Variants in KCNQ5 observed in about 807,000 individuals in gnomAD.
KCNQ5 encodes the protein potassium voltage-gated channel subfamily Q member 5, also known as potassium voltage-gated channel subfamily KQT member 5.
Under a neutral mutation model 98.2 loss-of-function variants are expected in KCNQ5, and 30 were observed. That is an observed-to-expected ratio of 0.31 (90% CI 0.23 to 0.41). The LOEUF (loss-of-function observed/expected upper bound fraction) is 0.41, where lower values mean the gene tolerates loss of function less well. Among genes scored for constraint, KCNQ5 ranks in the 10% least tolerant of loss-of-function variants. The probability of loss-of-function intolerance (pLI) is 1.00; values close to 1 mark genes in which losing one functional copy is unlikely to be tolerated. For missense variants in KCNQ5, 835 were observed against 1,182.5 expected (o/e 0.71, Z 4.31); for synonymous variants, 458 against 449.4 (o/e 1.02, Z -0.24).
At chr6:72,718,672 A>G (rs1354547753) in intron 1 of KCNQ5, among the ~76,000 whole-genome samples, 1 of 151,610 alleles carries the variant, frequency 6.6e-6, no homozygotes, top group Non-Finnish European at 1.5e-5. Flanking sequence ...GATGGTCTCA[A>G]TCTCTTGACC....
At chr6:73,026,146 G>A (rs778603224) in intron 2 of KCNQ5, among the ~76,000 whole-genome samples, 36 of 152,178 alleles carry the variant, frequency 2.4e-4, no homozygotes, top group Non-Finnish European at 3.8e-4. Context: ...AAAACCTGGT[G>A]AGGGATGAGA....
At chr6:72,806,334 C>G (rs773812532) in intron 1 of KCNQ5, among the ~76,000 whole-genome samples, 2 of 152,018 alleles carry the variant, frequency 1.3e-5, no homozygotes, top group Non-Finnish European at 2.9e-5. Flanking sequence ...GTGACAAAAG[C>G]TCTACCCAAT....
intron 1 of KCNQ5, among the ~76,000 whole-genome samples, chr6:72,803,951 T>C (rs1774809719): frequency 6.6e-6 from 1 of 152,148 alleles, no homozygotes; most frequent in African/African-American, 2.4e-5. Context: ...TTATAAAACA[T>C]AGACTCTTGA....
intron 1 of KCNQ5, among the ~76,000 whole-genome samples, chr6:72,745,080 T>A (rs980505460): frequency 1.3e-5 from 2 of 152,210 alleles, no homozygotes; most frequent in African/African-American, 4.8e-5. Context: ...ATTTATGTTA[T>A]TTTTCCTAAA....
At chr6:72,672,880 G>A (rs1476162731) in intron 1 of KCNQ5, among the ~76,000 whole-genome samples, 1 of 152,192 alleles carries the variant, frequency 6.6e-6, no homozygotes, top group East Asian at 1.9e-4. Context: ...AAAAGCACTT[G>A]TGAAAAGATT....
intron 3 of KCNQ5, among the ~76,000 whole-genome samples, chr6:73,074,287 A>G (rs1773423419): frequency 6.6e-6 from 1 of 152,230 alleles, no homozygotes; most frequent in Non-Finnish European, 1.5e-5. Context: ...CCTAGGAAAT[A>G]GTCTAGGTGG....
At chr6:73,137,837 A>G (rs1776534755) in intron 10 of KCNQ5, among the ~76,000 whole-genome samples, 1 of 152,146 alleles carries the variant, frequency 6.6e-6, no homozygotes, top group South Asian at 2.1e-4. Context: ...ATGTTCTCCT[A>G]GATATTATAT....
intron 1 of KCNQ5, among the ~76,000 whole-genome samples, chr6:72,921,154 A>C (rs1780376106): frequency 6.6e-6 from 1 of 152,200 alleles, no homozygotes; most frequent in African/African-American, 2.4e-5. Flanking sequence ...GATTGATCTC[A>C]TAACATGGGG....
At chr6:73,090,122 T>C (rs1774175346) in intron 5 of KCNQ5, among the ~76,000 whole-genome samples, 1 of 151,004 alleles carries the variant, frequency 6.6e-6, no homozygotes, top group African/African-American at 2.4e-5. Context: ...ACTAAGGTGG[T>C]ATCACATTGT....
In KCNQ5 at chr6:73,129,840, G is replaced by T. The variant is rs774233700; in HGVS notation, c.1248-3581G>T. On this transcript the variant is annotated intron_variant, in intron 9 of 13. Coordinates refer to ENST00000370398, the MANE Select transcript of KCNQ5 (RefSeq NM_019842.4). ...AAGCTCTTCAGAATGTACACCTCAC[G>T]GAAGCAGAGGTACCCAGCATCCGGG... 6.2e-6 allele frequency: 10 copies of T among 1,612,292 alleles called. No homozygotes were observed. The highest frequency in any genetic ancestry group is 7.6e-6 in the Non-Finnish European group (9 of 1,178,964).
At chr6:72,938,163 T>TTTAA (rs1346128320) in intron 1 of KCNQ5, among the ~76,000 whole-genome samples, 1 of 152,180 alleles carries the variant, frequency 6.6e-6, no homozygotes, top group Non-Finnish European at 1.5e-5. Flanking sequence ...AATTAAGACA[T>TTTAA]TAATTTAATA....
At position 73,120,472 on chromosome 6, in the gene KCNQ5, G is replaced by A. The variant is rs1041269793; in HGVS notation, c.1126-11G>A. ...TTTTCTTTTTCATGTCCCCATCTATGCCACATGCAGTGTGTTTGGCGTAGT... is the reference window on the plus strand; with the variant it reads ...TTTTCTTTTTCATGTCCCCATCTATACCACATGCAGTGTGTTTGGCGTAGT... On this transcript the variant is annotated splice_polypyrimidine_tract_variant and intron_variant, in intron 7 of 13. Coordinates refer to ENST00000370398, the MANE Select transcript of KCNQ5 (RefSeq NM_019842.4). 1.9e-6 allele frequency: 3 copies of A among 1,593,452 alleles called. No homozygotes were observed. The Admixed American group carries it at 5.0e-5, about 27-fold the overall frequency.
At chr6:73,114,266 C>T (rs1775387633) in intron 7 of KCNQ5, among the ~76,000 whole-genome samples, 1 of 152,114 alleles carries the variant, frequency 6.6e-6, no homozygotes, top group African/African-American at 2.4e-5. Flanking sequence ...CCCAATAAAC[C>T]TGACTTGGTC....
chr6:72,730,282 T>G (rs1770492827), intron 1 of KCNQ5, among the ~76,000 whole-genome samples: 1 of 152,250 alleles, frequency 6.6e-6, no homozygotes, highest in African/African-American at 2.4e-5. Flanking sequence ...TATTATTGAC[T>G]TTACTTATAT....
At chr6:72,936,163 C>T (rs1164642678) in intron 1 of KCNQ5, among the ~76,000 whole-genome samples, 1 of 152,204 alleles carries the variant, frequency 6.6e-6, no homozygotes, top group Non-Finnish European at 1.5e-5. Flanking sequence ...AAAACAGAGT[C>T]AACCAGAGTC....
At chr6:72,835,460 A>G (rs1209411730) in intron 1 of KCNQ5, among the ~76,000 whole-genome samples, 4 of 152,128 alleles carry the variant, frequency 2.6e-5, no homozygotes, top group African/African-American at 9.7e-5. Context: ...AGCAAAATTG[A>G]CTAAAATTTT....
chr6:73,194,238 T>C (rs1198599294), intron 13 of KCNQ5, among the ~76,000 whole-genome samples: 1 of 152,196 alleles, frequency 6.6e-6, no homozygotes, highest in Non-Finnish European at 1.5e-5. Context: ...AAAGACTGTA[T>C]AGAAGCCAAA....
chr6:72,940,618 C>T (rs1163741711), intron 1 of KCNQ5, among the ~76,000 whole-genome samples: 1 of 152,150 alleles, frequency 6.6e-6, no homozygotes, highest in African/African-American at 2.4e-5. Flanking sequence ...CCTAGTAAAC[C>T]GTTTTCGTCA....
chr6:72,976,137 T>A (rs1474714764), intron 1 of KCNQ5, among the ~76,000 whole-genome samples: 1 of 152,228 alleles, frequency 6.6e-6, no homozygotes, highest in Non-Finnish European at 1.5e-5. Context: ...CTTTCTTACT[T>A]TAGTTCCCAA....
Sources: allele counts gnomAD v4.1 joint callset (sites outside exome capture counted in the v4.1 genomes callset), GRCh38; gene constraint gnomAD v4.1.1; transcripts MANE v1.5; gene names NCBI Gene and HGNC (gene_info 2026-07-23, HGNC 2026-07-21).